Variants in LMLN observed in about 807,000 individuals in gnomAD.
LMLN encodes leishmanolysin like peptidase.
A neutral mutation model predicts 92.3 loss-of-function variants in LMLN; 70 were observed. That is an observed-to-expected ratio of 0.76 (90% confidence interval 0.63 to 0.92). LMLN has a LOEUF of 0.92. Among genes scored for constraint, LMLN ranks in the 40% least tolerant of loss-of-function variants. The pLI is 0.00. For synonymous variants in LMLN, 308 were observed against 296.2 expected, an observed-to-expected ratio of 1.04 and a Z score of -0.41; for missense variants, 691 against 814.6, an observed-to-expected ratio of 0.85 and a Z score of 1.85.
intron 11 of LMLN, among the ~76,000 whole-genome samples, chr3:198,017,564 G>A (rs138733355): frequency 6.6e-6 from 1 of 152,208 alleles, no homozygotes; most frequent in African/African-American, 2.4e-5. Context: ...GTCTAATATG[G>A]TACCATTAGC....
At position 197,981,681 on chromosome 3, in the gene LMLN, C is replaced by T. The variant is rs1581141103; in HGVS notation, c.728+1177C>T. On this transcript the variant is annotated intron_variant, in intron 6 of 15. Coordinates refer to ENST00000330198, the Ensembl canonical transcript of LMLN. ...AGAAGATTGCCTGTCACACACTAGA[C>T]AAATCAAGTAAAGGCAGTAGAAATT... Among the ~76,000 whole-genome samples, 3 of 152,158 alleles carry T rather than the reference C, an allele frequency of 2.0e-5. No homozygotes were observed. In the East Asian group the frequency reaches 5.8e-4, roughly 29 times the overall value.
At chr3:198,006,846 G>T (rs966724284) in intron 11 of LMLN, among the ~76,000 whole-genome samples, 4 of 152,058 alleles carry the variant, frequency 2.6e-5, no homozygotes, top group African/African-American at 4.8e-5. Flanking sequence ...CAGAGTAGCT[G>T]GGACTACAGG....
intron 9 of LMLN, among the ~76,000 whole-genome samples, chr3:197,993,495 C>A (rs1450539841): frequency 1.3e-5 from 2 of 151,708 alleles, no homozygotes; most frequent in African/African-American, 2.4e-5. Context: ...AAAACAATCT[C>A]TTTTACAATA....
chr3:197,963,742 T>G (rs906232342), intron 1 of LMLN, among the ~76,000 whole-genome samples: 1 of 152,228 alleles, frequency 6.6e-6, no homozygotes. Flanking sequence ...AGGAACAATT[T>G]TTGTTGTTGT....
intron 9 of LMLN, among the ~76,000 whole-genome samples, chr3:197,992,627 A>G (rs1490169027): frequency 6.6e-6 from 1 of 152,212 alleles, no homozygotes; most frequent in African/African-American, 2.4e-5. Context: ...ACGAGTAATG[A>G]GATTGAATCA....
intron 11 of LMLN, among the ~76,000 whole-genome samples, chr3:198,002,350 C>T (rs1180924469): frequency 6.6e-6 from 1 of 152,054 alleles, no homozygotes; most frequent in Non-Finnish European, 1.5e-5. Flanking sequence ...AGGCTGGTCT[C>T]GAACTCCCAA....
chr3:198,021,942 A>G (rs1722795510), intron 13 of LMLN, among the ~76,000 whole-genome samples: 1 of 152,190 alleles, frequency 6.6e-6, no homozygotes, highest in African/African-American at 2.4e-5. Context: ...TCCATTTGCA[A>G]AGCACTTTCA....
chr3:197,975,072 G>C, exon 3 of LMLN: 1 of 1,465,932 alleles, frequency 6.8e-7, no homozygotes, highest in Non-Finnish European at 9.5e-7. Flanking sequence ...ATCTTGTAAA[G>C]GTATGTAATA....
chr3:198,043,439 G>A (rs936265363), exon 16 of LMLN: 1 of 152,642 alleles, frequency 6.6e-6, no homozygotes, highest in Non-Finnish European at 1.5e-5. Flanking sequence ...ACAGACCCTT[G>A]TCACAGTGGA....
intron 6 of LMLN, chr3:197,980,772 T>G (rs1392513520): frequency 3.1e-6 from 1 of 319,098 alleles, no homozygotes; most frequent in African/African-American, 2.1e-5. Context: ...CTCTTCCATT[T>G]TGATCCTATC....
chr3:198,016,507 G>A (rs946637731), intron 11 of LMLN, among the ~76,000 whole-genome samples: 2 of 152,150 alleles, frequency 1.3e-5, no homozygotes, highest in African/African-American at 4.8e-5. Flanking sequence ...GCTGAGAGCC[G>A]GGCACTAGCA....
chr3:198,020,768 ATTTTTTTTTTTTTTT>A (rs71166715), intron 12 of LMLN, among the ~76,000 whole-genome samples: 1 of 32,860 alleles, frequency 3.0e-5, no homozygotes, highest in Admixed American at 4.7e-4. Flanking sequence ...TAATTTTTGT[ATTTTTTTTTTTTTTT>A]TTTTTTTTTT....
chr3:198,022,919 T>A (rs1722820791), intron 13 of LMLN, among the ~76,000 whole-genome samples: 1 of 152,196 alleles, frequency 6.6e-6, no homozygotes, highest in Non-Finnish European at 1.5e-5. Flanking sequence ...CAGTTCCATA[T>A]TAAAGCAAAA....
At chr3:197,973,877 T>C (rs1394444283) in intron 1 of LMLN, among the ~76,000 whole-genome samples, 2 of 152,238 alleles carry the variant, frequency 1.3e-5, no homozygotes, top group Non-Finnish European at 2.9e-5. Context: ...ATCAAGAGTT[T>C]CCTAAAGTGT....
At chr3:198,015,815 C>T (rs536362596) in intron 11 of LMLN, among the ~76,000 whole-genome samples, 1 of 152,258 alleles carries the variant, frequency 6.6e-6, no homozygotes, top group South Asian at 2.1e-4. Context: ...TTTAGTTGTA[C>T]TTAGAAGGGG....
Position 198,005,272 on chromosome 3 carries a change from C to T in LMLN, c.1232+5930C>T, listed in dbSNP as rs180718933. On this transcript the variant is annotated intron_variant, in intron 11 of 15. Transcript: ENST00000330198. ...ATCATCTATACAGATACATATCATA[C>T]GTAGTAAGTTTGACATCTATCTATA... Among the ~76,000 whole-genome samples the T allele has an allele frequency of 5.1e-3, 756 of 146,966 alleles. 12 individuals carry two copies. Among genetic ancestry groups the T allele is most frequent in the African/African-American group, 0.01 (402 of 39,798 alleles).
chr3:198,038,828 A>G, exon 16 of LMLN: 1 of 618,088 alleles, frequency 1.6e-6, no homozygotes, highest in Admixed American at 2.5e-5. Flanking sequence ...AGAACTTCAC[A>G]GCAGCCTGTC....
At chr3:198,007,075 G>C (rs1321895905) in intron 11 of LMLN, among the ~76,000 whole-genome samples, 1 of 134,334 alleles carries the variant, frequency 7.4e-6, no homozygotes, top group Non-Finnish European at 1.5e-5. Context: ...TGGGTATTTT[G>C]GGTAGTAGTA....
intron 3 of LMLN, among the ~76,000 whole-genome samples, chr3:197,975,711 G>A (rs1421624930): frequency 1.3e-5 from 2 of 152,136 alleles, no homozygotes; most frequent in Non-Finnish European, 2.9e-5. Context: ...TAAAGGTGTA[G>A]TATCGAAGGA....
Sources: gnomAD v4.1 joint callset for allele counts (sites outside exome capture counted in the v4.1 genomes callset) on GRCh38, gnomAD v4.1.1 for gene constraint, MANE v1.5 for transcripts, NCBI Gene and HGNC (gene_info 2026-07-23, HGNC 2026-07-21) for gene names.